GLIPR1L2: variants seen among roughly 807,000 people sequenced by gnomAD.
GLIPR1L2 encodes GLIPR1-like protein 2.
A neutral mutation model predicts 28.4 loss-of-function variants in GLIPR1L2; 21 were observed. The ratio of observed to expected loss-of-function variants is 0.74; its 90% CI spans 0.52 to 1.06. The LOEUF (loss-of-function observed/expected upper bound fraction) is 1.06. GLIPR1L2 is among the 50% of genes least tolerant of loss of function. The pLI is 0.00. For synonymous variants in GLIPR1L2, 145 were observed against 139.3 expected (o/e 1.04, Z -0.29); for missense variants, 476 against 416.9 (o/e 1.14, Z -1.23).
intron 1 of GLIPR1L2, among the ~76,000 whole-genome samples, chr12:75,407,337 A>G (rs2045814472): frequency 6.6e-6 from 1 of 152,118 alleles, no homozygotes; most frequent in African/African-American, 2.4e-5. Context: ...CAGCTTATTC[A>G]TTGAGATATT....
intron 2 of GLIPR1L2, among the ~76,000 whole-genome samples, 158 bp from the exon 3 acceptor site, chr12:75,413,440 T>G (rs2045891618): frequency 6.6e-6 from 1 of 152,040 alleles, no homozygotes; most frequent in Non-Finnish European, 1.5e-5. Context: ...CTGCCCGAAC[T>G]CCTTGGTAAC....
At chr12:75,406,774 AGAG>A (rs1283399076) in intron 1 of GLIPR1L2, among the ~76,000 whole-genome samples, 5,610 of 128,476 alleles carry the variant, frequency 0.044, 149 homozygotes, top group Non-Finnish European at 0.051. Flanking sequence ...AAAAAAAAAA[AGAG>A]AGAGAGAGAG....
At position 75,430,928 on chromosome 12, in the gene GLIPR1L2, G is replaced by A. The variant is rs1209428533; in HGVS notation, c.802G>A (p.Val268Ile). Residue 268 changes from valine (V) to isoleucine (I), a missense_variant, in exon 6 of 6, where the codon GTC (valine) becomes ATC (isoleucine). Val to Ile is a conservative substitution (Grantham distance 29, BLOSUM62 3). Transcript: ENST00000550916. ...LLRILCFILC[V>I]ITVLIVQSQF... ...GAGAATATTATGTTTTATCCTGTGT[G>A]TCATAACTGTTTTGATAGTACAGTC... The A allele has an allele frequency of 6.5e-7, 1 of 1,535,542 alleles. No individual in the cohort carries two copies. The highest frequency in any genetic ancestry group is 1.2e-5 in the South Asian group (1 of 84,032).
At chr12:75,394,795 A>ATTTT in intron 1 of GLIPR1L2, among the ~76,000 whole-genome samples, 1 of 133,496 alleles carries the variant, frequency 7.5e-6, no homozygotes. Flanking sequence ...CATTATTGGG[A>ATTTT]TTTTGATATG....
Position 75,431,788 on chromosome 12 carries a change from A to C in GLIPR1L2, c.*627A>C, listed in dbSNP as rs930858187. On this transcript the variant is annotated 3_prime_UTR_variant, in exon 6 of 6. Transcript: ENST00000550916. ...GACTTGCTGTAATTTTCTGCCACCA[A>C]GGGCTAATAAATGCCATAATTTTAA... The C allele has an allele frequency of 3.3e-5, 5 of 152,086 alleles. No homozygotes were observed. Among genetic ancestry groups the C allele is most frequent in the Admixed American group, 6.6e-5 (1 of 15,266 alleles). 9.4% of individuals were successfully genotyped at this position (152,086 alleles called of 1,614,324 possible). A position where few individuals can be genotyped will look rare whatever the true frequency, so the allele number is the denominator to read the frequency against.
At chr12:75,427,459 A>T (rs11833819) in intron 4 of GLIPR1L2, among the ~76,000 whole-genome samples, 1 of 151,950 alleles carries the variant, frequency 6.6e-6, no homozygotes. Context: ...CAAAGATCCA[A>T]AGGAAGGTCA....
intron 1 of GLIPR1L2, among the ~76,000 whole-genome samples, chr12:75,399,212 A>G (rs1327503871): frequency 6.6e-6 from 1 of 152,212 alleles, no homozygotes; most frequent in Non-Finnish European, 1.5e-5. Context: ...ATAATACAGT[A>G]TTAGTATGTT....
At chr12:75,405,036 C>T (rs1435901158) in intron 1 of GLIPR1L2, among the ~76,000 whole-genome samples, 3 of 152,104 alleles carry the variant, frequency 2.0e-5, no homozygotes, top group Non-Finnish European at 4.4e-5. Context: ...ATAAAATTTG[C>T]TAGTCTACTA....
At chr12:75,406,712 C>A (rs113051753) in intron 1 of GLIPR1L2, among the ~76,000 whole-genome samples, 181 of 141,862 alleles carry the variant, frequency 1.3e-3, no homozygotes, top group Admixed American at 4.5e-3. Flanking sequence ...GAGCCACAAT[C>A]ACACTACTGC....
intron 3 of GLIPR1L2, among the ~76,000 whole-genome samples, chr12:75,421,234 A>G (rs915409079): frequency 5.3e-5 from 8 of 152,210 alleles, no homozygotes; most frequent in Non-Finnish European, 1.0e-4. Context: ...GCTGGGTTCT[A>G]AACAAAATGC....
intron 3 of GLIPR1L2, among the ~76,000 whole-genome samples, chr12:75,415,317 A>C (rs1293873064): frequency 6.6e-6 from 1 of 152,116 alleles, no homozygotes; most frequent in Non-Finnish European, 1.5e-5. Flanking sequence ...CTTAACAAAA[A>C]GATTACTGTG....
At chr12:75,420,083 A>G (rs1163093935) in intron 3 of GLIPR1L2, among the ~76,000 whole-genome samples, 3 of 152,220 alleles carry the variant, frequency 2.0e-5, no homozygotes, top group Non-Finnish European at 4.4e-5. Flanking sequence ...AAGTAGTGAA[A>G]AATGAAACGA....
chr12:75,405,325 C>G (rs568869008), intron 1 of GLIPR1L2, among the ~76,000 whole-genome samples: 2 of 152,066 alleles, frequency 1.3e-5, no homozygotes, highest in African/African-American at 4.8e-5. Context: ...TGCTTGAGAC[C>G]GTCATTACAA....
chr12:75,393,590 C>G (rs1453817611), intron 1 of GLIPR1L2, among the ~76,000 whole-genome samples: 1 of 152,072 alleles, frequency 6.6e-6, no homozygotes, highest in Middle Eastern at 3.2e-3. Context: ...CTTTTTACAG[C>G]TGAATAATAT....
At chr12:75,428,506 G>T (rs1026312771) in intron 4 of GLIPR1L2, among the ~76,000 whole-genome samples, 1 of 141,548 alleles carries the variant, frequency 7.1e-6, no homozygotes. Flanking sequence ...ACCTGACCAT[G>T]TGGTAGAAAA....
At chr12:75,404,812 T>G (rs1187880236) in intron 1 of GLIPR1L2, among the ~76,000 whole-genome samples, 1 of 152,160 alleles carries the variant, frequency 6.6e-6, no homozygotes, top group Non-Finnish European at 1.5e-5. Context: ...TTGTTTAGTG[T>G]TATGTCTTAC....
At chr12:75,394,871 T>C (rs1327676747) in intron 1 of GLIPR1L2, among the ~76,000 whole-genome samples, 1 of 151,828 alleles carries the variant, frequency 6.6e-6, no homozygotes, top group Non-Finnish European at 1.5e-5. Context: ...ATTCCAATAC[T>C]TTAACACAGT....
At chr12:75,406,078 C>T (rs1278064865) in intron 1 of GLIPR1L2, among the ~76,000 whole-genome samples, 1 of 147,534 alleles carries the variant, frequency 6.8e-6, no homozygotes, top group African/African-American at 2.5e-5. Context: ...TGCTTTATAT[C>T]AACTTTATTA....
chr12:75,413,258 A>T (rs2045888978), intron 2 of GLIPR1L2, among the ~76,000 whole-genome samples: 1 of 151,798 alleles, frequency 6.6e-6, no homozygotes, highest in South Asian at 2.1e-4. Flanking sequence ...TGATGAGTTA[A>T]TGGGTGCAGC....
Sources: gnomAD v4.1 joint callset for allele counts (sites outside exome capture counted in the v4.1 genomes callset) on GRCh38, gnomAD v4.1.1 for gene constraint, MANE v1.5 for transcripts, NCBI Gene and HGNC (gene_info 2026-07-23, HGNC 2026-07-21) for gene names.